The following KCNK10 variants were observed in gnomAD, a reference collection of about 807,000 sequenced individuals.
KCNK10 encodes the protein potassium two pore domain channel subfamily K member 10, also known as potassium channel subfamily K member 10.
KCNK10 carries 25 observed loss-of-function variants against 47.7 expected under a neutral mutation model. The ratio of observed to expected loss-of-function variants is 0.52; its 90% CI spans 0.38 to 0.73. The LOEUF (loss-of-function observed/expected upper bound fraction) is 0.73. Among genes scored for constraint, KCNK10 ranks in the 30% least tolerant of loss-of-function variants. KCNK10 has a pLI of 0.00. For missense variants in KCNK10, 563 were observed against 714.5 expected, an observed-to-expected ratio of 0.79 and a Z score of 2.42; for synonymous variants, 303 against 285.6, an observed-to-expected ratio of 1.06 and a Z score of -0.61.
rs1281912559 is a variant in KCNK10 at position 88,186,870 on chromosome 14, C to CT, written c.1012-716_1012-715insA. ...GGGTGCAGGAAGACGGCCTATTCTG[C>CT]CAAAGCCCACAGAACAGGCCTCCTT... On this transcript the variant is annotated intron_variant, in intron 6 of 6. Transcript: ENST00000319231. This position sits in a 1 kb window ranked among gnomAD's most constrained non-coding sequence, Gnocchi z 5.5. 2.0e-5 allele frequency among the ~76,000 whole-genome samples: 3 copies of CT among 152,202 alleles called. No homozygotes were observed. Among genetic ancestry groups the CT allele is most frequent in the Admixed American group, 6.5e-5 (1 of 15,286 alleles).
chr14:88,261,148 T>C (rs1887099608), intron 2 of KCNK10, among the ~76,000 whole-genome samples: 1 of 152,198 alleles, frequency 6.6e-6, no homozygotes, highest in Non-Finnish European at 1.5e-5. Flanking sequence ...AAGCAAAGCA[T>C]AGGTCACATG....
chr14:88,300,427 C>T (rs1242198629), intron 1 of KCNK10, among the ~76,000 whole-genome samples: 2 of 152,232 alleles, frequency 1.3e-5, no homozygotes, highest in Non-Finnish European at 2.9e-5. Flanking sequence ...AGACTATGTC[C>T]TTGATGTTGT....
At chr14:88,207,274 G>A (rs553711771) in intron 4 of KCNK10, among the ~76,000 whole-genome samples, 59 of 147,140 alleles carry the variant, frequency 4.0e-4, no homozygotes, top group Middle Eastern at 3.6e-3. Context: ...CCAGGTTCAC[G>A]CCATTCTCCT....
At chr14:88,244,879 T>G (rs1886585554) in intron 2 of KCNK10, among the ~76,000 whole-genome samples, 1 of 152,166 alleles carries the variant, frequency 6.6e-6, no homozygotes, top group Admixed American at 6.5e-5. Flanking sequence ...GTTCAACCAT[T>G]ATCAAGTTCA....
At chr14:88,209,561 C>T (rs887439870) in intron 4 of KCNK10, among the ~76,000 whole-genome samples, 4 of 152,228 alleles carry the variant, frequency 2.6e-5, no homozygotes, top group African/African-American at 4.8e-5. Context: ...CGCTGCATCG[C>T]GGCCAGTGCA....
rs757624465 is a variant in KCNK10, at chr14:88,227,333, T to C, written c.681+42A>G. 5 of 1,517,802 alleles carry C rather than the reference T, an allele frequency of 3.3e-6. No homozygotes were observed. The East Asian group carries it at 9.3e-5, about 28-fold the overall frequency. 94.0% of individuals were successfully genotyped at this position (1,517,802 alleles called of 1,614,324 possible). On this transcript the variant is annotated intron_variant, in intron 4 of 6. Transcript: ENST00000319231. ...TGGATCCTGTCAGGCTAAAGCCAAC[T>C]GGATCACAGTGGTTAGAATTTAAAT...
In KCNK10 at chr14:88,184,729, A is replaced by T. The variant is rs549964564; in HGVS notation, c.*806T>A. ...TCAGTTTATTGTCACCATTGCACCCACTGAGGAAAATGCATGATTGGCCTT... is the reference window on the plus strand; with the variant it reads ...TCAGTTTATTGTCACCATTGCACCCTCTGAGGAAAATGCATGATTGGCCTT... On this transcript the variant is annotated 3_prime_UTR_variant, in exon 7 of 7. Transcript: ENST00000319231. 5 of 152,314 alleles carry T rather than the reference A, an allele frequency of 3.3e-5. No homozygotes were observed. Among genetic ancestry groups the T allele is most frequent in the Non-Finnish European group, 7.3e-5 (5 of 68,044 alleles). 9.4% of individuals were successfully genotyped at this position (152,314 alleles called of 1,614,324 possible). A position where few individuals can be genotyped will look rare whatever the true frequency, so the allele number is the denominator to read the frequency against.
In KCNK10 at chr14:88,323,050, T is replaced by G; in HGVS notation, c.-252A>C. ...GCGGCCCCGTGGGTAAAAGAAAAAG[T>G]AAGATCGGCGAGGGGTGGATGAAAG... is the stretch of plus-strand genomic sequence containing the variant. On this transcript the variant is annotated 5_prime_UTR_variant, in exon 1 of 7. Transcript: ENST00000319231. The G allele has an allele frequency of 7.6e-7, 1 of 1,310,880 alleles. No individual in the cohort carries two copies. 81.2% of individuals were successfully genotyped at this position (1,310,880 alleles called of 1,614,324 possible).
intron 2 of KCNK10, among the ~76,000 whole-genome samples, chr14:88,255,786 G>A (rs550195363): frequency 4.6e-5 from 7 of 152,196 alleles, no homozygotes; most frequent in African/African-American, 1.7e-4. Flanking sequence ...CTTGAGCCTA[G>A]GAGTTCCAGG....
Position 88,226,555 on chromosome 14 carries a change from G to A in KCNK10, c.681+820C>T, listed in dbSNP as rs145371196. Among the ~76,000 whole-genome samples the A allele has an allele frequency of 3.0e-4, 45 of 152,262 alleles. 1 individual carries two copies. Among genetic ancestry groups the A allele is most frequent in the African/African-American group, 8.4e-4 (35 of 41,562 alleles). ...TGAAAGACTTGAGAATTAGGTCAGCGGTGAGTAAGAGGGCAGAAGTGACCT... is the reference window on the plus strand; with the variant it reads ...TGAAAGACTTGAGAATTAGGTCAGCAGTGAGTAAGAGGGCAGAAGTGACCT... On this transcript the variant is annotated intron_variant, in intron 4 of 6. Coordinates refer to ENST00000319231, the MANE Select transcript of KCNK10 (RefSeq NM_138317.3).
At chr14:88,276,966 C>T (rs1422953981) in intron 1 of KCNK10, among the ~76,000 whole-genome samples, 1 of 152,212 alleles carries the variant, frequency 6.6e-6, no homozygotes, top group Non-Finnish European at 1.5e-5. Context: ...GATTTTCCAT[C>T]GAAAGCATTT....
intron 1 of KCNK10, among the ~76,000 whole-genome samples, chr14:88,299,496 C>A (rs1415033717): frequency 1.3e-5 from 2 of 152,182 alleles, no homozygotes; most frequent in Middle Eastern, 3.2e-3. Context: ...GTATCTGGCT[C>A]CTATTTATTC....
At chr14:88,199,104 G>A (rs1210892146) in intron 4 of KCNK10, among the ~76,000 whole-genome samples, 2 of 151,972 alleles carry the variant, frequency 1.3e-5, no homozygotes, top group East Asian at 1.9e-4. Context: ...ATTTTTAGTA[G>A]AGATGGGGTT....
chr14:88,207,908 T>C (rs186854594), intron 4 of KCNK10, among the ~76,000 whole-genome samples: 2 of 152,240 alleles, frequency 1.3e-5, no homozygotes, highest in African/African-American at 4.8e-5. Context: ...GAACTGACAT[T>C]TGAGCTGAGA....
chr14:88,254,790 A>C (rs1424798618), intron 2 of KCNK10, among the ~76,000 whole-genome samples: 1 of 152,158 alleles, frequency 6.6e-6, no homozygotes, highest in African/African-American at 2.4e-5. Context: ...CAACTTCAAA[A>C]ATACATTTAA....
At position 88,181,919 on chromosome 14, in the gene KCNK10, C is replaced by A. The variant is rs1166303275; in HGVS notation, c.*3616G>T. On this transcript the variant is annotated 3_prime_UTR_variant, in exon 7 of 7. Transcript: ENST00000319231. Reference sequence around the variant, plus strand: ...CTCCCTTGATGTGCAGACAAGGTAACAAGAGATCTAGGCAGAGAACTGATG... The same window carrying A: ...CTCCCTTGATGTGCAGACAAGGTAAAAAGAGATCTAGGCAGAGAACTGATG... 1 of 152,186 alleles carries A rather than the reference C, an allele frequency of 6.6e-6. No homozygotes were observed. The highest frequency in any genetic ancestry group is 1.9e-4 in the East Asian group (1 of 5,320). The allele number at this position is 152,186 out of a possible 1,614,324, so 9.4% of individuals were successfully genotyped here.
chr14:88,273,137 G>A (rs1375048694), intron 1 of KCNK10, among the ~76,000 whole-genome samples: 2 of 152,130 alleles, frequency 1.3e-5, no homozygotes, highest in African/African-American at 4.8e-5. Context: ...TGGTCCAGAG[G>A]GAGATGTAAA....
At chr14:88,211,913 T>C (rs1213055912) in intron 4 of KCNK10, among the ~76,000 whole-genome samples, 1 of 134,044 alleles carries the variant, frequency 7.5e-6, no homozygotes, top group Non-Finnish European at 1.6e-5. Flanking sequence ...AAAAAAAAAA[T>C]CTTTGTAACA....
chr14:88,221,513 A>C (rs1566690590), intron 4 of KCNK10, among the ~76,000 whole-genome samples: 1 of 152,166 alleles, frequency 6.6e-6, no homozygotes. Flanking sequence ...ACCACTACAC[A>C]CTTAGAATTG....
Sources: allele counts gnomAD v4.1 joint callset (sites outside exome capture counted in the v4.1 genomes callset), GRCh38; gene constraint gnomAD v4.1.1; non-coding constraint Gnocchi (gnomAD v3.1); transcripts MANE v1.5; gene names NCBI Gene and HGNC (gene_info 2026-07-23, HGNC 2026-07-21).